PAN3: variants seen among roughly 807,000 people sequenced by gnomAD.
The protein encoded by PAN3 is PAN2-PAN3 deadenylation complex subunit PAN3.
PAN3 carries 19 observed loss-of-function variants against 96.2 expected under a neutral mutation model. The ratio of observed to expected loss-of-function variants is 0.20; its 90% CI spans 0.14 to 0.29. The LOEUF (loss-of-function observed/expected upper bound fraction) is 0.29. PAN3 is among the 10% of genes least tolerant of loss of function. PAN3 has a pLI of 1.00. For missense variants in PAN3, 882 were observed against 1,108.1 expected (o/e 0.80, Z 2.90); for synonymous variants, 433 against 406.6 (o/e 1.06, Z -0.78).
At chr13:28,256,860 T>C (rs9551453) in intron 7 of PAN3, among the ~76,000 whole-genome samples, 1 of 152,034 alleles carries the variant, frequency 6.6e-6, no homozygotes, top group Admixed American at 6.5e-5. Flanking sequence ...GACATTTGTT[T>C]ATAGGTATAG....
intron 6 of PAN3, among the ~76,000 whole-genome samples, chr13:28,223,229 A>T (rs1161856993): frequency 6.6e-6 from 1 of 152,208 alleles, no homozygotes; most frequent in Non-Finnish European, 1.5e-5. Context: ...ACTCACAGCT[A>T]ATTAGGTTTT....
chr13:28,283,443 C>G (rs1566259845), intron 17 of PAN3, among the ~76,000 whole-genome samples: 1 of 152,168 alleles, frequency 6.6e-6, no homozygotes, highest in Admixed American at 6.6e-5. Flanking sequence ...GTAAAAGTCT[C>G]TCTTTCATAC....
Position 28,267,324 on chromosome 13 carries a change from A to T in PAN3, c.1715A>T (p.His572Leu), listed in dbSNP as rs1482148431. Reference protein sequence around the residue: ...EPSLVFAYDFHAGGETMMSRH... With the variant: ...EPSLVFAYDFLAGGETMMSRH... Reference sequence around the variant, plus strand: ...GCTCTTGTGTTTGCATATGATTTCCATGCTGGAGGAGAAACTATGATGAGC... The same window carrying T: ...GCTCTTGTGTTTGCATATGATTTCCTTGCTGGAGGAGAAACTATGATGAGC... The change falls in exon 12 of 19, where the codon CAT (histidine) becomes CTT (leucine). Residue 572 changes from histidine to leucine, a missense_variant. Transcript: ENST00000380958. The T allele has an allele frequency of 6.2e-7, 1 of 1,613,846 alleles. No homozygotes were observed. The highest frequency in any genetic ancestry group is 1.1e-5 in the South Asian group (1 of 91,078).
At chr13:28,166,447 C>T (rs980582485) in intron 1 of PAN3, among the ~76,000 whole-genome samples, 6 of 152,164 alleles carry the variant, frequency 3.9e-5, no homozygotes, top group African/African-American at 1.4e-4. Flanking sequence ...GGAACCACGC[C>T]CTTATGGCTT....
intron 9 of PAN3, among the ~76,000 whole-genome samples, chr13:28,264,186 C>T (rs1885968019): frequency 1.3e-5 from 2 of 152,048 alleles, no homozygotes; most frequent in African/African-American, 2.4e-5. Flanking sequence ...ATTATTTATA[C>T]TTTTAAGTAT....
At position 28,292,384 on chromosome 13, in the gene PAN3, A is replaced by G. The variant is rs1319026166; in HGVS notation, c.2526A>G (p.Leu842=). 3.7e-6 allele frequency: 6 copies of G among 1,604,338 alleles called. No individual in the cohort carries two copies. The highest frequency in any genetic ancestry group is 4.3e-6 in the Non-Finnish European group (5 of 1,175,926). ...ATTTTGTGTATATATTGTTTCAGCT[A>G]GATGCTGGTGTGCCAGAAAAAATAA... ...LSHIISCLNK[L]DAGVPEKISL... is the part of the protein sequence containing the mutation. The change falls in exon 19 of 19, where the codon CTA becomes CTG. Residue 842 remains leucine (L), a splice_region_variant and synonymous_variant. Coordinates refer to ENST00000380958, the MANE Select transcript of PAN3 (RefSeq NM_175854.8).
chr13:28,152,251 C>T (rs1280777737), intron 1 of PAN3, among the ~76,000 whole-genome samples: 1 of 152,026 alleles, frequency 6.6e-6, no homozygotes, highest in Non-Finnish European at 1.5e-5. Context: ...CAAACAATTA[C>T]AAATCCTCTC....
rs766970234 is a variant in PAN3 at position 28,260,431 on chromosome 13, C to T, written c.1249-16C>T. On this transcript the variant is annotated splice_polypyrimidine_tract_variant and intron_variant, in intron 7 of 18. Transcript: ENST00000380958. ...AAAAATGAGTGATTACATTTACCCC[C>T]TTCCTACCTTTTTAGGTGTTTCCAA... The T allele has an allele frequency of 6.4e-6, 10 of 1,565,656 alleles. No individual in the cohort carries two copies. The South Asian group carries it at 1.0e-4, about 16-fold the overall frequency.
At chr13:28,190,761 C>T (rs760253937) in intron 4 of PAN3, among the ~76,000 whole-genome samples, 13 of 152,168 alleles carry the variant, frequency 8.5e-5, no homozygotes, top group African/African-American at 2.9e-4. Context: ...CTCACTATCA[C>T]GAGAATAGCA....
intron 18 of PAN3, among the ~76,000 whole-genome samples, chr13:28,291,693 T>G (rs1357390303): frequency 1.3e-5 from 2 of 151,944 alleles, no homozygotes; most frequent in African/African-American, 4.8e-5. Flanking sequence ...TAGCTGGGCG[T>G]GGTGGCAGGT....
chr13:28,254,106 A>G (rs776405312), intron 6 of PAN3, among the ~76,000 whole-genome samples: 7 of 152,232 alleles, frequency 4.6e-5, no homozygotes, highest in African/African-American at 7.2e-5. Context: ...CACTAAAGCT[A>G]GTAAAACATG....
At chr13:28,288,428 T>A (rs1217465712) in intron 18 of PAN3, among the ~76,000 whole-genome samples, 1 of 151,928 alleles carries the variant, frequency 6.6e-6, no homozygotes, top group Admixed American at 6.6e-5. Context: ...GCCTCCCGAG[T>A]AGCTAGGATT....
intron 1 of PAN3, among the ~76,000 whole-genome samples, chr13:28,140,009 G>A (rs1303349544): frequency 6.6e-6 from 1 of 152,020 alleles, no homozygotes; most frequent in Admixed American, 6.6e-5. Context: ...GTGCAGTTGC[G>A]CGATCTCAGC....
chr13:28,277,206 A>G (rs1887134642), intron 14 of PAN3, 31 bp from the exon 15 acceptor site: 1 of 1,581,534 alleles, frequency 6.3e-7, no homozygotes, highest in Non-Finnish European at 8.6e-7. Context: ...TGAAATGAAA[A>G]TTAAAAGTTA....
At chr13:28,223,751 T>G (rs970655192) in intron 6 of PAN3, among the ~76,000 whole-genome samples, 1 of 152,128 alleles carries the variant, frequency 6.6e-6, no homozygotes, top group African/African-American at 2.4e-5. Context: ...AGATACATTT[T>G]TCTAGTAGCT....
At chr13:28,271,831 T>C (rs1190956336) in intron 13 of PAN3, 150 bp from the exon 14 acceptor site, 1 of 480,928 alleles carries the variant, frequency 2.1e-6, no homozygotes, top group Non-Finnish European at 3.6e-6. Flanking sequence ...TCTAAAATGG[T>C]GGTTGGTGGA....
In PAN3 at chr13:28,215,079, G is replaced by A. The variant is rs867827278; in HGVS notation, c.853-5152G>A. 1.7e-5 allele frequency: 16 copies of A among 923,974 alleles called. No homozygotes were observed. In the Middle Eastern group the frequency reaches 1.0e-3, roughly 58 times the overall value. 57.2% of individuals were successfully genotyped at this position (923,974 alleles called of 1,614,324 possible). On this transcript the variant is annotated intron_variant, in intron 5 of 18. Transcript: ENST00000380958. ...AATTGGCTACAATCCTGACACAGTA[G>A]CATTTGTGCCATTTGCTGGTTGGAA...
chr13:28,176,647 A>T (rs1233370054), intron 3 of PAN3, 88 bp downstream of exon 3: 1 of 1,283,980 alleles, frequency 7.8e-7, no homozygotes, highest in African/African-American at 1.5e-5. Flanking sequence ...AAATTTTGAA[A>T]ATTGTAAACG....
chr13:28,247,208 T>C (rs1884277441), intron 6 of PAN3, among the ~76,000 whole-genome samples: 1 of 152,216 alleles, frequency 6.6e-6, no homozygotes, highest in Non-Finnish European at 1.5e-5. Flanking sequence ...GTCATTTGTA[T>C]GTCTTCTTTT....
Sources: allele counts gnomAD v4.1 joint callset (sites outside exome capture counted in the v4.1 genomes callset), GRCh38; gene constraint gnomAD v4.1.1; transcripts MANE v1.5; gene names NCBI Gene and HGNC (gene_info 2026-07-23, HGNC 2026-07-21).